The following INSL6 variants were observed in gnomAD, a reference collection of about 807,000 sequenced individuals.
The protein encoded by INSL6 is insulin-like peptide INSL6.
Under a neutral mutation model 9.4 loss-of-function variants are expected in INSL6, and 16 were observed. That is an observed-to-expected ratio of 1.70 (90% CI 1.15 to 2.59). The LOEUF (loss-of-function observed/expected upper bound fraction) is 2.59, where lower values mean the gene tolerates loss of function less well. Ranked by LOEUF, INSL6 falls within the 30% of genes most tolerant of loss-of-function variation. The pLI is 0.00. For synonymous variants in INSL6, 154 were observed against 96.9 expected, an observed-to-expected ratio of 1.59 and a Z score of -3.46; for missense variants, 391 against 257.3, an observed-to-expected ratio of 1.52 and a Z score of -3.56.
In INSL6 at chr9:5,131,435, AT is replaced by A. The variant is rs550915336; in HGVS notation, c.*10+1989del. Among the ~76,000 whole-genome samples, 520 of 115,820 alleles carry A rather than the reference AT, an allele frequency of 4.5e-3. 4 individuals are homozygous for A. Among genetic ancestry groups the A allele is most frequent in the East Asian group, 0.013 (55 of 4,366 alleles). The allele number at this position is 115,820 out of a possible 152,430, so 76.0% of individuals were successfully genotyped here. A position where few individuals can be genotyped will look rare whatever the true frequency, so the allele number is the denominator to read the frequency against. On this transcript the variant is annotated intron_variant, in intron 3 of 3. Transcript: ENST00000649639. ...AATTCTTTAACACCACCAGTTAACAATTTTTTTTTTTTTTTTTTTGAGACAG... is the reference window on the plus strand; with the variant it reads ...AATTCTTTAACACCACCAGTTAACAATTTTTTTTTTTTTTTTTTGAGACAG...
At chr9:5,183,599 TA>T (rs1167683174) in intron 1 of INSL6, among the ~76,000 whole-genome samples, 1 of 152,188 alleles carries the variant, frequency 6.6e-6, no homozygotes, top group Non-Finnish European at 1.5e-5. Context: ...AACCTCTCTT[TA>T]AATAACAGCC....
chr9:5,119,299 TGGAGG>T (rs1823439404), downstream of INSL6, among the ~76,000 whole-genome samples: 2 of 152,102 alleles, frequency 1.3e-5, no homozygotes, highest in Non-Finnish European at 2.9e-5. Context: ...AACAAATGCA[TGGAGG>T]TATGTTTATT....
chr9:4,998,431 A>T, the INSL6 span, among the ~76,000 whole-genome samples: 2 of 151,874 alleles, frequency 1.3e-5, no homozygotes, highest in Non-Finnish European at 2.9e-5. Flanking sequence ...TAATTTTTGT[A>T]TTTTTAGTAG....
the INSL6 span, among the ~76,000 whole-genome samples, chr9:5,033,026 A>G: frequency 6.6e-6 from 1 of 152,226 alleles, no homozygotes; most frequent in African/African-American, 2.4e-5. Context: ...GCTAACTAGA[A>G]TAACCAATGC....
At chr9:5,087,806 C>T in the INSL6 span, among the ~76,000 whole-genome samples, 1 of 152,142 alleles carries the variant, frequency 6.6e-6, no homozygotes, top group African/African-American at 2.4e-5. Flanking sequence ...ATTAAGTATC[C>T]TTAATAGAGA....
intron 3 of INSL6, among the ~76,000 whole-genome samples, chr9:5,125,095 T>C (rs184884821): frequency 1.3e-5 from 2 of 151,344 alleles, no homozygotes; most frequent in Admixed American, 6.6e-5. Context: ...TTTTTTTTAA[T>C]ATGGAAAAGT....
At chr9:5,018,623 G>A in the INSL6 span, among the ~76,000 whole-genome samples, 1 of 152,208 alleles carries the variant, frequency 6.6e-6, no homozygotes, top group African/African-American at 2.4e-5. Context: ...ACAGGCTTGA[G>A]CCACTGTGCC....
chr9:5,044,179 T>C, the INSL6 span, among the ~76,000 whole-genome samples: 23 of 152,350 alleles, frequency 1.5e-4, no homozygotes, highest in African/African-American at 5.3e-4. Flanking sequence ...TTTTGTGCAC[T>C]GAAGGAGGTA....
downstream of INSL6, among the ~76,000 whole-genome samples, chr9:5,162,207 A>G (rs1824941616): frequency 6.6e-6 from 1 of 152,190 alleles, no homozygotes; most frequent in Admixed American, 6.5e-5. Flanking sequence ...ATGTTGCTTA[A>G]TATCAAGGTA....
chr9:5,064,847 T>C, the INSL6 span: 3 of 1,453,840 alleles, frequency 2.1e-6, no homozygotes, highest in Non-Finnish European at 2.7e-6. Flanking sequence ...GTTGACTTTC[T>C]AAAAGGTGCT....
chr9:5,131,175 T>G lies in INSL6; in HGVS notation c.*10+2250A>C, dbSNP rs569557065. The stretch of plus-strand genomic sequence containing the variant: ...ACAAGGCACTCAATAATGAAAATAC[T>G]TAGTGGAATACTACTTGAAGTATAC... On this transcript the variant is annotated intron_variant, in intron 3 of 3. Transcript: ENST00000649639. Among the ~76,000 whole-genome samples the G allele has an allele frequency of 3.7e-4, 56 of 152,320 alleles. No homozygotes were observed. In the South Asian group the frequency reaches 5.0e-3, roughly 14 times the overall value.
the INSL6 span, among the ~76,000 whole-genome samples, chr9:5,036,404 A>G: frequency 2.0e-5 from 3 of 152,208 alleles, no homozygotes; most frequent in Non-Finnish European, 1.5e-5. Context: ...ACCAAAAAAG[A>G]GCCCACATTG....
At chr9:5,173,723 A>G (rs548932379) in intron 1 of INSL6, among the ~76,000 whole-genome samples, 1 of 152,154 alleles carries the variant, frequency 6.6e-6, no homozygotes, top group African/African-American at 2.4e-5. Flanking sequence ...ACGTTTACCT[A>G]TGTAATGAAC....
At chr9:5,015,373 G>T in the INSL6 span, among the ~76,000 whole-genome samples, 2 of 152,156 alleles carry the variant, frequency 1.3e-5, no homozygotes, top group South Asian at 2.1e-4. Flanking sequence ...AAATTAAAAT[G>T]ATTTTCATAA....
chr9:5,063,591 A>G, the INSL6 span, among the ~76,000 whole-genome samples: 1 of 152,144 alleles, frequency 6.6e-6, no homozygotes, highest in African/African-American at 2.4e-5. Flanking sequence ...TGTGATTGAG[A>G]CAAATTAGAA....
the INSL6 span, among the ~76,000 whole-genome samples, chr9:4,999,837 T>C: frequency 6.6e-6 from 1 of 152,206 alleles, no homozygotes; most frequent in Non-Finnish European, 1.5e-5. Context: ...TTTTTCCCAA[T>C]ATTTAGACTT....
At chr9:5,061,062 C>A in the INSL6 span, among the ~76,000 whole-genome samples, 4 of 152,152 alleles carry the variant, frequency 2.6e-5, no homozygotes, top group Admixed American at 6.5e-5. Flanking sequence ...CAGATCTTAA[C>A]AATGGGCTTA....
At chr9:5,060,893 AG>A in the INSL6 span, among the ~76,000 whole-genome samples, 1 of 152,234 alleles carries the variant, frequency 6.6e-6, no homozygotes. Context: ...AAGACTTGAA[AG>A]TTGAAATTAC....
At chr9:5,055,555 T>C in the INSL6 span, 1 of 783,690 alleles carries the variant, frequency 1.3e-6, no homozygotes. Flanking sequence ...TCTATTGTTA[T>C]CAATACCTTT....
Sources: gnomAD v4.1 joint callset for allele counts (sites outside exome capture counted in the v4.1 genomes callset) on GRCh38, gnomAD v4.1.1 for gene constraint, MANE v1.5 for transcripts, NCBI Gene and HGNC (gene_info 2026-07-23, HGNC 2026-07-21) for gene names.